The following AGTR1 variants were observed in gnomAD, a reference collection of about 807,000 sequenced individuals.
AGTR1 encodes type-1 angiotensin II receptor.
A neutral mutation model predicts 19.4 loss-of-function variants in AGTR1; 16 were observed. The observed-to-expected ratio is 0.82, with a 90% CI of 0.56 to 1.25. The LOEUF (loss-of-function observed/expected upper bound fraction) is 1.25. AGTR1 is among the 50% of genes most tolerant of loss of function. AGTR1 has a pLI of 0.00. For missense variants in AGTR1, 373 were observed against 431.9 expected, an observed-to-expected ratio of 0.86 and a Z score of 1.21; for synonymous variants, 153 against 154.9, an observed-to-expected ratio of 0.99 and a Z score of 0.09.
At chr3:148,708,187 T>C (rs370664067) in intron 2 of AGTR1, among the ~76,000 whole-genome samples, 160 bp downstream of exon 2, 1 of 152,132 alleles carries the variant, frequency 6.6e-6, no homozygotes. Context: ...CCCTCCAATA[T>C]ACAGATTAAG....
At chr3:148,715,490 G>A (rs1713251729) in intron 2 of AGTR1, among the ~76,000 whole-genome samples, 1 of 152,070 alleles carries the variant, frequency 6.6e-6, no homozygotes, top group African/African-American at 2.4e-5. Context: ...ACGGGTAGCT[G>A]CCTCACCAGC....
At chr3:148,728,196 G>A (rs1437616554) in intron 2 of AGTR1, among the ~76,000 whole-genome samples, 1 of 152,102 alleles carries the variant, frequency 6.6e-6, no homozygotes, top group Non-Finnish European at 1.5e-5. Flanking sequence ...AAAAACGTAA[G>A]GACCTGCTCT....
At chr3:148,734,202 T>TA (rs1469004904) in intron 2 of AGTR1, among the ~76,000 whole-genome samples, 1 of 152,212 alleles carries the variant, frequency 6.6e-6, no homozygotes, top group Admixed American at 6.5e-5. Flanking sequence ...CCCAAGAAGC[T>TA]AAAATGTGGG....
At chr3:148,727,948 C>T (rs1254576832) in intron 2 of AGTR1, among the ~76,000 whole-genome samples, 1 of 151,922 alleles carries the variant, frequency 6.6e-6, no homozygotes, top group Non-Finnish European at 1.5e-5. Context: ...GGAGACTGTC[C>T]CACGCATTGT....
Position 148,742,706 on chromosome 3 carries a change from T to C in AGTR1, c.*591T>C, listed in dbSNP as rs2107977335. 1 of 184,712 alleles carries C rather than the reference T, an allele frequency of 5.4e-6. No individual in the cohort carries two copies. The highest frequency in any genetic ancestry group is 2.4e-5 in the African/African-American group (1 of 41,666). The allele number at this position is 184,712 out of a possible 1,614,324, so 11.4% of individuals were successfully genotyped here. On this transcript the variant is annotated 3_prime_UTR_variant, in exon 3 of 3. Coordinates refer to ENST00000349243, the MANE Select transcript of AGTR1 (RefSeq NM_000685.5). ...CACTGCCAAAACAATGCCCGTAAGATGGCTTATTTGTATAATGGTGTTACT... is the reference window on the plus strand; with the variant it reads ...CACTGCCAAAACAATGCCCGTAAGACGGCTTATTTGTATAATGGTGTTACT...
chr3:148,710,725 C>T (rs1712933260), intron 2 of AGTR1, among the ~76,000 whole-genome samples: 1 of 151,952 alleles, frequency 6.6e-6, no homozygotes, highest in African/African-American at 2.4e-5. Flanking sequence ...TTGTATGTCA[C>T]TGATAAGGTT....
intron 1 of AGTR1, among the ~76,000 whole-genome samples, chr3:148,699,758 G>C (rs1245927141): frequency 6.6e-6 from 1 of 152,168 alleles, no homozygotes; most frequent in Non-Finnish European, 1.5e-5. Flanking sequence ...ATTTGCTTAA[G>C]TTTTGTGATT....
At chr3:148,709,304 A>T (rs527966754) in intron 2 of AGTR1, among the ~76,000 whole-genome samples, 27 of 152,150 alleles carry the variant, frequency 1.8e-4, no homozygotes, top group Non-Finnish European at 2.8e-4. Flanking sequence ...ATGATATCCC[A>T]TCAGCCCACT....
chr3:148,737,100 A>C (rs959620119), intron 2 of AGTR1, among the ~76,000 whole-genome samples: 1 of 152,186 alleles, frequency 6.6e-6, no homozygotes, highest in East Asian at 1.9e-4. Context: ...TCCCATCTTT[A>C]TTTCTTTCCT....
rs1019696767 is a variant in AGTR1 at position 148,698,543 on chromosome 3, T to G, written c.-132+416T>G. On this transcript the variant is annotated intron_variant, in intron 1 of 2. Transcript: ENST00000349243. ...GTTCGTTTAAAAGTTGTGCTACTTT[T>G]GAGGTGAAGTTAAGAGTGTCTCCAT... 1.1e-4 allele frequency among the ~76,000 whole-genome samples: 17 copies of G among 152,150 alleles called. 1 individual carries two copies.
rs114757771 is a variant in AGTR1, at chr3:148,706,574, A to G, written c.-131-1370A>G. ...CATAAACAAAGTTATCATCTAAACA[A>G]GAAACCTGGGAAAGCTATTTGCCAG... is the stretch of plus-strand genomic sequence containing the variant. On this transcript the variant is annotated intron_variant, in intron 1 of 2. Transcript: ENST00000349243. 5.8e-3 allele frequency among the ~76,000 whole-genome samples: 889 copies of G among 152,176 alleles called. 8 individuals carry two copies. The highest frequency in any genetic ancestry group is 0.021 in the African/African-American group (860 of 41,564).
intron 2 of AGTR1, among the ~76,000 whole-genome samples, chr3:148,726,196 A>G (rs1364817422): frequency 6.7e-6 from 1 of 148,958 alleles, no homozygotes; most frequent in Non-Finnish European, 1.5e-5. Context: ...TTCCCTTGCT[A>G]AATCCTGCAG....
chr3:148,715,144 A>G (rs1713220950), intron 2 of AGTR1, among the ~76,000 whole-genome samples: 1 of 152,202 alleles, frequency 6.6e-6, no homozygotes, highest in South Asian at 2.1e-4. Flanking sequence ...AAAATTTCAA[A>G]TAGGCTAACT....
intron 1 of AGTR1, among the ~76,000 whole-genome samples, chr3:148,704,952 T>A (rs1426382335): frequency 6.6e-6 from 1 of 152,174 alleles, no homozygotes; most frequent in Non-Finnish European, 1.5e-5. Flanking sequence ...AATTTGTAAG[T>A]TATGGGTTAG....
At chr3:148,729,134 T>C (rs1234522683) in intron 2 of AGTR1, among the ~76,000 whole-genome samples, 2 of 152,210 alleles carry the variant, frequency 1.3e-5, no homozygotes, top group African/African-American at 2.4e-5. Flanking sequence ...TGACAGTTTC[T>C]GACTTGAACA....
chr3:148,742,633 C>T lies in AGTR1; in HGVS notation c.*518C>T. Reference sequence around the variant, plus strand: ...CAAAGATATGCTAAGCAGTAGTCGTCAAGTTGCAGATCTTTTTGTGAAATT... The same window carrying T: ...CAAAGATATGCTAAGCAGTAGTCGTTAAGTTGCAGATCTTTTTGTGAAATT... On this transcript the variant is annotated 3_prime_UTR_variant, in exon 3 of 3. Transcript: ENST00000349243. The T allele has an allele frequency of 4.7e-6, 1 of 211,602 alleles. No individual in the cohort carries two copies. Among genetic ancestry groups the T allele is most frequent in the Non-Finnish European group, 1.1e-5 (1 of 95,192 alleles). The allele number at this position is 211,602 out of a possible 1,614,324, so 13.1% of individuals were successfully genotyped here.
intron 2 of AGTR1, among the ~76,000 whole-genome samples, chr3:148,718,830 A>G (rs12695888): frequency 2.6e-5 from 4 of 152,226 alleles, no homozygotes; most frequent in African/African-American, 9.7e-5. Context: ...AAGTTGAAAC[A>G]TGGGTTTTAA....
chr3:148,711,642 A>G (rs112349975), intron 2 of AGTR1, among the ~76,000 whole-genome samples: 4 of 152,320 alleles, frequency 2.6e-5, no homozygotes, highest in African/African-American at 9.6e-5. Context: ...ATTCTCAGTA[A>G]CATTCTTTCT....
At chr3:148,722,814 TG>T (rs1713721955) in intron 2 of AGTR1, among the ~76,000 whole-genome samples, 1 of 152,170 alleles carries the variant, frequency 6.6e-6, no homozygotes, top group South Asian at 2.1e-4. Flanking sequence ...TCTCTTCACA[TG>T]AAATACAATT....
Sources: gnomAD v4.1 joint callset for allele counts (sites outside exome capture counted in the v4.1 genomes callset) on GRCh38, gnomAD v4.1.1 for gene constraint, MANE v1.5 for transcripts, NCBI Gene and HGNC (gene_info 2026-07-23, HGNC 2026-07-21) for gene names.